Variants in TFDP1 observed in about 807,000 individuals in gnomAD.
TFDP1 encodes the protein transcription factor Dp-1.
In TFDP1, 6 loss-of-function variants were observed where a neutral mutation model predicts 48.0. The observed-to-expected ratio is 0.13, with a 90% CI of 0.07 to 0.25. The LOEUF (loss-of-function observed/expected upper bound fraction) is 0.25. Among genes scored for constraint, TFDP1 ranks in the 10% least tolerant of loss-of-function variants. The pLI is 1.00. For synonymous variants in TFDP1, 201 were observed against 211.6 expected (o/e 0.95, Z 0.44); for missense variants, 335 against 543.0 (o/e 0.62, Z 3.81).
intron 3 of TFDP1, among the ~76,000 whole-genome samples, chr13:113,617,449 C>CGCTCACCTGCAGAGCT (rs1475843351): frequency 0.044 from 6,585 of 149,752 alleles, 606 homozygotes; most frequent in African/African-American, 0.14. Flanking sequence ...CCTGCAGAGC[C>CGCTCACCTGCAGAGCT]GCTCACCTGC....
At chr13:113,632,984 G>A in intron 5 of TFDP1, 136 bp from the exon 6 acceptor site, 1 of 1,071,522 alleles carries the variant, frequency 9.3e-7, no homozygotes, top group Non-Finnish European at 1.3e-6. Context: ...CTGCTCACGT[G>A]TTGGATCTGC....
At position 113,633,264 on chromosome 13, in the gene TFDP1, C is replaced by T. The variant is rs1403615333; in HGVS notation, c.453C>T (p.Asn151=). 6.2e-7 allele frequency: 1 copy of T among 1,613,782 alleles called. No homozygotes were observed. Among genetic ancestry groups the T allele is most frequent in the Admixed American group, 1.7e-5 (1 of 60,012 alleles). Residue 151 remains asparagine, a synonymous_variant, in exon 6 of 12, where the codon AAC becomes AAT. Transcript: ENST00000375370. The surrounding 1 kb of genome is among the most constrained non-coding windows in gnomAD (Gnocchi z 4.5). The part of the protein sequence containing the change: ...ELVAEFSAAD[N]HILPNESAYD... ...TTGCGGAGTTCAGTGCTGCCGACAACCACATCTTACCAAACGAGTCAGTAA... is the reference window on the plus strand; with the variant it reads ...TTGCGGAGTTCAGTGCTGCCGACAATCACATCTTACCAAACGAGTCAGTAA...
At chr13:113,629,609 C>T (rs891927486) in intron 4 of TFDP1, among the ~76,000 whole-genome samples, 4 of 152,148 alleles carry the variant, frequency 2.6e-5, no homozygotes, top group East Asian at 1.9e-4. Flanking sequence ...TGCTTCTGCC[C>T]GACTGGGCTA....
At chr13:113,630,028 C>T (rs2049291596) in intron 4 of TFDP1, among the ~76,000 whole-genome samples, 1 of 152,160 alleles carries the variant, frequency 6.6e-6, no homozygotes, top group Non-Finnish European at 1.5e-5. Context: ...ACATCAACTC[C>T]CGGAGAATGG....
Position 113,634,136 on chromosome 13 carries a change from C to T in TFDP1, c.618+103C>T, listed in dbSNP as rs537875601. ...GGTCTGGGCTCCGTGCCCTTATGCT[C>T]TCTGTGTCCGGCTGGCAGACGGTCA... is the stretch of plus-strand genomic sequence containing the variant. On this transcript the variant is annotated intron_variant, in intron 7 of 11. Transcript: ENST00000375370. 82 of 1,519,122 alleles carry T rather than the reference C, an allele frequency of 5.4e-5. 1 individual carries two copies. The East Asian group carries it at 1.8e-3, about 34-fold the overall frequency. 94.1% of individuals were successfully genotyped at this position (1,519,122 alleles called of 1,614,324 possible).
intron 2 of TFDP1, among the ~76,000 whole-genome samples, chr13:113,593,587 C>G (rs1166631001): frequency 8.3e-6 from 1 of 120,058 alleles, no homozygotes; most frequent in African/African-American, 3.3e-5. Context: ...GACAGGTGTG[C>G]TGTGTGTGGG....
chr13:113,636,709 T>C lies in TFDP1; in HGVS notation c.1006+9T>C. The stretch of plus-strand genomic sequence containing the variant: ...GGAGCCATACGTGACAGGTCAGCAA[T>C]GCCCAGACAACCTGGCGTGGCTGTG... On this transcript the variant is annotated intron_variant, in intron 10 of 11. Coordinates refer to ENST00000375370, the MANE Select transcript of TFDP1 (RefSeq NM_007111.5). 6.2e-7 allele frequency: 1 copy of C among 1,611,466 alleles called. No individual in the cohort carries two copies. The highest frequency in any genetic ancestry group is 1.7e-4 in the Middle Eastern group (1 of 6,052).
In TFDP1 at chr13:113,623,211, C is replaced by G. The variant is rs1395602360; in HGVS notation, c.111C>G (p.Ser37=). The change falls in exon 4 of 12, where the codon TCC becomes TCG. Residue 37 remains serine, a synonymous_variant. Transcript: ENST00000375370. This position sits in a 1 kb window ranked among gnomAD's most constrained non-coding sequence, Gnocchi z 5.2. ...TGTCCCTCGTGGCCGTTCACCCCTC[C>G]ACCGTCAACCCGCTCGGGAAGCAGC... is the stretch of plus-strand genomic sequence containing the variant. ...GVVSLVAVHP[S]TVNPLGKQLL... is the part of the protein sequence containing the mutation. 2 of 1,613,522 alleles carry G rather than the reference C, an allele frequency of 1.2e-6. No individual in the cohort carries two copies. Among genetic ancestry groups the G allele is most frequent in the Admixed American group, 1.7e-5 (1 of 59,970 alleles).
intron 5 of TFDP1, among the ~76,000 whole-genome samples, chr13:113,632,543 C>T (rs569539611): frequency 6.3e-4 from 96 of 152,174 alleles, no homozygotes; most frequent in African/African-American, 2.1e-3. Flanking sequence ...TCCTAGAGGC[C>T]GAGGCCAGCA....
At chr13:113,600,475 C>CTTGCACAT (rs1185695935) in intron 2 of TFDP1, among the ~76,000 whole-genome samples, 3 of 151,234 alleles carry the variant, frequency 2.0e-5, no homozygotes, top group African/African-American at 4.9e-5. Context: ...AGAGAGAACC[C>CTTGCACAT]AGAACCATGA....
At chr13:113,630,071 G>C (rs1465805023) in intron 4 of TFDP1, among the ~76,000 whole-genome samples, 7 of 152,166 alleles carry the variant, frequency 4.6e-5, no homozygotes, top group Non-Finnish European at 1.0e-4. Context: ...AAGCCGTGCG[G>C]GGCCAGCGCG....
In TFDP1 at chr13:113,636,681, T is replaced by C. The variant is rs2049497927; in HGVS notation, c.987T>C (p.Ala329=). ...LKMARSLVPK[A]LEPYVTEMAQ... is the part of the protein sequence containing the mutation. ...TGGCCAGAAGTCTGGTCCCCAAGGC[T>C]CTGGAGCCATACGTGACAGGTCAGC... The change falls in exon 10 of 12, where the codon GCT becomes GCC. Residue 329 remains alanine (A), a synonymous_variant. Coordinates refer to ENST00000375370, the MANE Select transcript of TFDP1 (RefSeq NM_007111.5). 6.2e-7 allele frequency: 1 copy of C among 1,609,666 alleles called. No homozygotes were observed.
At chr13:113,612,933 A>G (rs920352378) in intron 3 of TFDP1, among the ~76,000 whole-genome samples, 6 of 152,144 alleles carry the variant, frequency 3.9e-5, no homozygotes, top group Non-Finnish European at 7.4e-5. Context: ...TGGGACGGTC[A>G]GTTCTTTCCC....
intron 2 of TFDP1, 59 bp downstream of exon 2, chr13:113,585,908 G>T: frequency 6.4e-7 from 1 of 1,559,164 alleles, no homozygotes; most frequent in Non-Finnish European, 8.8e-7. Flanking sequence ...ATTCTTTGTA[G>T]TTCTCTGCCT....
intron 2 of TFDP1, among the ~76,000 whole-genome samples, chr13:113,597,775 C>T (rs549502972): frequency 3.3e-5 from 5 of 152,358 alleles, no homozygotes; most frequent in Admixed American, 1.3e-4. Flanking sequence ...GGAGGGACGG[C>T]CATTGCCGTG....
chr13:113,599,816 G>C (rs1429874234), intron 2 of TFDP1, among the ~76,000 whole-genome samples: 4 of 151,450 alleles, frequency 2.6e-5, no homozygotes, highest in African/African-American at 4.9e-5. Flanking sequence ...CCAGGACCGT[G>C]AGAGAGAACC....
At chr13:113,604,254 G>A (rs2048510447) in intron 2 of TFDP1, among the ~76,000 whole-genome samples, 3 of 151,930 alleles carry the variant, frequency 2.0e-5, no homozygotes, top group Non-Finnish European at 1.5e-5. Flanking sequence ...AGAAATGCAA[G>A]GAGGACCCAC....
chr13:113,636,871 TG>T (rs1201423816), intron 10 of TFDP1, among the ~76,000 whole-genome samples, 171 bp downstream of exon 10: 9 of 150,158 alleles, frequency 6.0e-5, no homozygotes, highest in African/African-American at 2.3e-4. Flanking sequence ...GGGGTGTGGC[TG>T]GGGTGGGGTC....
At chr13:113,629,601 C>T (rs528919080) in intron 4 of TFDP1, among the ~76,000 whole-genome samples, 1 of 152,308 alleles carries the variant, frequency 6.6e-6, no homozygotes, top group Admixed American at 6.5e-5. Context: ...GTGTGAGATG[C>T]TTCTGCCCGA....
Sources: gnomAD v4.1 joint callset for allele counts (sites outside exome capture counted in the v4.1 genomes callset) on GRCh38, gnomAD v4.1.1 for gene constraint, Gnocchi (gnomAD v3.1) non-coding constraint, MANE v1.5 for transcripts, NCBI Gene and HGNC (gene_info 2026-07-23, HGNC 2026-07-21) for gene names.